Variants in TMTC1 observed in about 807,000 individuals in gnomAD.
TMTC1 encodes transmembrane O-mannosyltransferase targeting cadherins 1, also known as protein O-mannosyl-transferase TMTC1.
A neutral mutation model predicts 104.8 loss-of-function variants in TMTC1; 73 were observed. That is an observed-to-expected ratio of 0.70 (90% CI 0.58 to 0.85). The LOEUF is 0.85. Ranked by LOEUF, TMTC1 falls within the 40% of genes least tolerant of loss-of-function variation. TMTC1 has a pLI of 0.00. For missense variants in TMTC1, 1,035 were observed against 1,096.1 expected, an observed-to-expected ratio of 0.94 and a Z score of 0.79; for synonymous variants, 434 against 428.7, an observed-to-expected ratio of 1.01 and a Z score of -0.15.
chr12:29,754,761 T>A, intron 4 of TMTC1, among the ~76,000 whole-genome samples: 1 of 152,186 alleles, frequency 6.6e-6, no homozygotes, highest in Admixed American at 6.5e-5. Context: ...CACTACACTC[T>A]TTTTAAATTA....
At chr12:29,527,114 T>C (rs1944370150) in intron 11 of TMTC1, among the ~76,000 whole-genome samples, 1 of 152,184 alleles carries the variant, frequency 6.6e-6, no homozygotes, top group African/African-American at 2.4e-5. Context: ...GTCAAATATG[T>C]CAAAGGTTTA....
intron 9 of TMTC1, among the ~76,000 whole-genome samples, chr12:29,565,629 A>G (rs916947505): frequency 6.6e-6 from 1 of 152,120 alleles, no homozygotes; most frequent in Non-Finnish European, 1.5e-5. Flanking sequence ...GGTGGATCAC[A>G]TGAGGTCAGG....
chr12:29,668,454 C>CTT lies in TMTC1; in HGVS notation c.939-35120_939-35119dup, dbSNP rs66652706. On this transcript the variant is annotated intron_variant, in intron 5 of 17. Transcript: ENST00000539277. Reference sequence around the variant, plus strand: ...CCACATTCAAACCATACCAACTTATCTTTTTTTTTTTTTTTTTTTTTTTTG... The same window carrying CTT: ...CCACATTCAAACCATACCAACTTATCTTTTTTTTTTTTTTTTTTTTTTTTTTG... Among the ~76,000 whole-genome samples the CTT allele has an allele frequency of 2.3e-3, 203 of 90,080 alleles. 2 individuals carry two copies. Among genetic ancestry groups the CTT allele is most frequent in the Middle Eastern group, 6.3e-3 (1 of 158 alleles). The allele number at this position is 90,080 out of a possible 152,430, so 59.1% of individuals were successfully genotyped here.
intron 6 of TMTC1, among the ~76,000 whole-genome samples, chr12:29,605,451 T>C (rs191669365): frequency 5.3e-5 from 8 of 151,532 alleles, no homozygotes. Flanking sequence ...CTTAAATAAT[T>C]AATGGATCTA....
intron 11 of TMTC1, among the ~76,000 whole-genome samples, chr12:29,525,432 C>A (rs770173208): frequency 6.6e-6 from 1 of 151,780 alleles, no homozygotes; most frequent in Non-Finnish European, 1.5e-5. Flanking sequence ...GTGATCCACC[C>A]GCCTTGGCTT....
At chr12:29,682,908 T>TTTGTACA (rs1401932102) in intron 5 of TMTC1, among the ~76,000 whole-genome samples, 2 of 152,206 alleles carry the variant, frequency 1.3e-5, no homozygotes, top group Non-Finnish European at 2.9e-5. Context: ...GGATGTCAAT[T>TTTGTACA]TCCTGGTTAT....
chr12:29,715,909 G>C (rs2136861071), intron 5 of TMTC1, among the ~76,000 whole-genome samples: 1 of 151,968 alleles, frequency 6.6e-6, no homozygotes, highest in East Asian at 1.9e-4. Context: ...ACCTTCCATT[G>C]GGTCCTTCCC....
intron 6 of TMTC1, among the ~76,000 whole-genome samples, chr12:29,607,303 C>A (rs912682843): frequency 6.6e-6 from 1 of 152,172 alleles, no homozygotes; most frequent in African/African-American, 2.4e-5. Flanking sequence ...CACTGGTGAA[C>A]GACTTTTGCT....
At chr12:29,618,560 T>C (rs1591813624) in intron 6 of TMTC1, among the ~76,000 whole-genome samples, 1 of 152,232 alleles carries the variant, frequency 6.6e-6, no homozygotes, top group East Asian at 1.9e-4. Context: ...TTTAGATTTT[T>C]TTTTTTTTGA....
rs572819798 is a variant in TMTC1 at position 29,688,984 on chromosome 12, G to T, written c.939-55648C>A. ...GGGCCAACCTAGAAGACTTCTTAAGGGATAGAGAAGAACCCTATTTGCAGC... is the reference window on the plus strand; with the variant it reads ...GGGCCAACCTAGAAGACTTCTTAAGTGATAGAGAAGAACCCTATTTGCAGC... On this transcript the variant is annotated intron_variant, in intron 5 of 17. Coordinates refer to ENST00000539277, the MANE Select transcript of TMTC1 (RefSeq NM_001193451.2). 1.3e-4 allele frequency among the ~76,000 whole-genome samples: 20 copies of T among 152,182 alleles called. No homozygotes were observed. In the South Asian group the frequency reaches 3.3e-3, roughly 25 times the overall value.
At chr12:29,619,415 A>C (rs1947072108) in intron 6 of TMTC1, among the ~76,000 whole-genome samples, 1 of 152,196 alleles carries the variant, frequency 6.6e-6, no homozygotes, top group Admixed American at 6.5e-5. Flanking sequence ...AAGGAGAATA[A>C]TTTTACAGGT....
intron 5 of TMTC1, among the ~76,000 whole-genome samples, chr12:29,743,020 G>A (rs1942866722): frequency 6.6e-6 from 1 of 152,228 alleles, no homozygotes; most frequent in Non-Finnish European, 1.5e-5. Context: ...ACATGGGAGA[G>A]GGGAGTTAAA....
chr12:29,715,229 T>C (rs923563531), intron 5 of TMTC1, among the ~76,000 whole-genome samples: 8 of 152,134 alleles, frequency 5.3e-5, no homozygotes, highest in African/African-American at 1.7e-4. Context: ...AAAATGATAT[T>C]TATGAAAGAC....
chr12:29,522,187 C>T (rs1173787249), intron 11 of TMTC1, among the ~76,000 whole-genome samples: 1 of 152,144 alleles, frequency 6.6e-6, no homozygotes, highest in Non-Finnish European at 1.5e-5. Context: ...TTTCCTGAGA[C>T]GTGGCACCTT....
In TMTC1 at chr12:29,517,529, C is replaced by A; in HGVS notation, c.2067G>T (p.Leu689Phe). The A allele has an allele frequency of 6.2e-7, 1 of 1,614,088 alleles. No homozygotes were observed. The highest frequency in any genetic ancestry group is 2.2e-5 in the East Asian group (1 of 44,880). ...VAHKAEILSP[L>F]GALYYNTGRY... ...GGCCAGTGTTGTAATACAGTGCTCC[C>A]AAAGGTGACAATATCTCAGCTTTGT... The change falls in exon 14 of 18, where the codon TTG becomes TTT. Residue 689 changes from leucine to phenylalanine, a missense_variant. Physicochemically the swap from Leu to Phe is conservative, Grantham distance 22. Coordinates refer to ENST00000539277, the MANE Select transcript of TMTC1 (RefSeq NM_001193451.2).
chr12:29,694,260 A>C (rs1209878288), intron 5 of TMTC1, among the ~76,000 whole-genome samples: 1 of 152,190 alleles, frequency 6.6e-6, no homozygotes, highest in Non-Finnish European at 1.5e-5. Context: ...TCATTAACAC[A>C]TAATTGTTAC....
intron 5 of TMTC1, among the ~76,000 whole-genome samples, chr12:29,712,045 A>G (rs1941944610): frequency 6.8e-6 from 1 of 146,746 alleles, no homozygotes; most frequent in Non-Finnish European, 1.5e-5. Context: ...AGAGCAACCC[A>G]GCATCAGCAG....
intron 5 of TMTC1, among the ~76,000 whole-genome samples, chr12:29,743,851 C>T (rs1160318935): frequency 6.6e-6 from 1 of 152,112 alleles, no homozygotes; most frequent in Admixed American, 6.6e-5. Context: ...ACTAAAAGGG[C>T]AAAGATATCA....
At chr12:29,775,758 T>C (rs553333413) in intron 1 of TMTC1, among the ~76,000 whole-genome samples, 1 of 152,080 alleles carries the variant, frequency 6.6e-6, no homozygotes, top group East Asian at 1.9e-4. Context: ...TCCTAGGAGG[T>C]TGAGATATAG....
Sources: allele counts gnomAD v4.1 joint callset (sites outside exome capture counted in the v4.1 genomes callset), GRCh38; gene constraint gnomAD v4.1.1; transcripts MANE v1.5; gene names NCBI Gene and HGNC (gene_info 2026-07-23, HGNC 2026-07-21).